Variants in ZNF462 observed in about 807,000 individuals in gnomAD.
ZNF462 encodes the protein zinc finger PBX1-interacting protein.
ZNF462 carries 10 observed loss-of-function variants against 201.9 expected under a neutral mutation model. That is an observed-to-expected ratio of 0.05 (90% CI 0.03 to 0.08). ZNF462 has a LOEUF of 0.08. Among genes scored for constraint, ZNF462 ranks in the 10% least tolerant of loss-of-function variants. ZNF462 has a pLI of 1.00. For missense variants in ZNF462, 2,523 were observed against 3,168.3 expected, an observed-to-expected ratio of 0.80 and a Z score of 4.89; for synonymous variants, 1,227 against 1,193.3, an observed-to-expected ratio of 1.03 and a Z score of -0.58.
At position 106,927,142 on chromosome 9, in the gene ZNF462, C is replaced by T. The variant is rs778226122; in HGVS notation, c.3230C>T (p.Ala1077Val). The T allele has an allele frequency of 1.2e-6, 2 of 1,614,136 alleles. No homozygotes were observed. Among genetic ancestry groups the T allele is most frequent in the African/African-American group, 2.7e-5 (2 of 75,036 alleles). ...MRMVSVDRGSALSQLSFEVGA... is the reference protein window; with the variant it reads ...MRMVSVDRGSVLSQLSFEVGA... ...ATGGTGTCTGTGGACAGGGGCTCTG[C>T]CCTTTCTCAATTATCATTTGAGGTG... Residue 1077 changes from alanine (A) to valine (V), a missense_variant, in exon 3 of 13, where the codon GCC (alanine) becomes GTC (valine). Transcript: ENST00000277225.
upstream of ZNF462, among the ~76,000 whole-genome samples, chr9:106,861,542 G>C (rs1827067001): frequency 6.6e-6 from 1 of 152,214 alleles, no homozygotes; most frequent in Non-Finnish European, 1.5e-5. Context: ...TTTCTGCCCC[G>C]CGCGCTGCGC....
upstream of ZNF462, among the ~76,000 whole-genome samples, chr9:106,861,653 C>G (rs931165532): frequency 2.6e-5 from 4 of 152,222 alleles, no homozygotes; most frequent in African/African-American, 4.8e-5. Context: ...TCCTGACTTG[C>G]TGCATTGATT....
chr9:106,943,059 C>CGCGCGCGCGCGCGTGTGTGTGT (rs374167214), intron 7 of ZNF462, among the ~76,000 whole-genome samples: 7 of 143,244 alleles, frequency 4.9e-5, no homozygotes, highest in African/African-American at 1.8e-4. Flanking sequence ...TTTGCGCGCG[C>CGCGCGCGCGCGCGTGTGTGTGT]GTGTGTGTGT....
At chr9:106,889,071 T>C (rs1828456499) in intron 1 of ZNF462, among the ~76,000 whole-genome samples, 1 of 152,200 alleles carries the variant, frequency 6.6e-6, no homozygotes, top group South Asian at 2.1e-4. Context: ...TGCCTTGGGG[T>C]CATAGCACAC....
chr9:106,901,534 C>G (rs1357272293), intron 1 of ZNF462, among the ~76,000 whole-genome samples: 1 of 152,140 alleles, frequency 6.6e-6, no homozygotes, highest in Non-Finnish European at 1.5e-5. Context: ...AATATTGATT[C>G]TACCCATCCA....
rs553796813 is a variant in ZNF462 at position 106,936,778 on chromosome 9, G to A, written c.6235+1157G>A. On this transcript the variant is annotated intron_variant, in intron 6 of 12. Transcript: ENST00000277225. The stretch of plus-strand genomic sequence containing the variant: ...AAAAGCACTTTTACCAGCGAGAGCT[G>A]GGAAGAGATGATTCGGCCTGTGGGA... 4.5e-4 allele frequency among the ~76,000 whole-genome samples: 68 copies of A among 152,320 alleles called. 1 individual carries two copies. Among genetic ancestry groups the A allele is most frequent in the African/African-American group, 1.6e-3 (65 of 41,574 alleles).
Position 106,927,359 on chromosome 9 carries a change from G to A in ZNF462, c.3447G>A (p.Gln1149=). The A allele has an allele frequency of 6.2e-7, 1 of 1,614,058 alleles. No homozygotes were observed. ...EIKVTAKYIR[Q]APPTAAMMRG... is the part of the protein sequence containing the mutation. ...AGGTTACTGCCAAATATATCAGACA[G>A]GCTCCTCCCACAGCTGCAATGATGA... Residue 1149 remains glutamine (Q), a synonymous_variant, in exon 3 of 13, where the codon CAG becomes CAA. Transcript: ENST00000277225.
Position 106,974,322 on chromosome 9 carries a change from A to G in ZNF462, c.6832+49A>G, listed in dbSNP as rs373261691. ...TTGGATGCAGCGGGGGGCAGGCAGCAGAGATGGCCTTCTAGGGATGCTCTC... is the reference window on the plus strand; with the variant it reads ...TTGGATGCAGCGGGGGGCAGGCAGCGGAGATGGCCTTCTAGGGATGCTCTC... On this transcript the variant is annotated intron_variant, in intron 9 of 12. Transcript: ENST00000277225. This position sits in a 1 kb window ranked among gnomAD's most constrained non-coding sequence, Gnocchi z 4.0. 6.2e-7 allele frequency: 1 copy of G among 1,613,610 alleles called. No individual in the cohort carries two copies. The highest frequency in any genetic ancestry group is 1.3e-5 in the African/African-American group (1 of 74,934).
intron 1 of ZNF462, among the ~76,000 whole-genome samples, chr9:106,868,229 A>G (rs1827432530): frequency 6.6e-6 from 1 of 152,198 alleles, no homozygotes; most frequent in Non-Finnish European, 1.5e-5. Flanking sequence ...ATGCTAGAAG[A>G]AAATTCCTCT....
In ZNF462 at chr9:107,009,880, A is replaced by T. The variant is rs1247509881; in HGVS notation, c.7313+212A>T. Among the ~76,000 whole-genome samples, 2 of 152,162 alleles carry T rather than the reference A, an allele frequency of 1.3e-5. No homozygotes were observed. The highest frequency in any genetic ancestry group is 4.8e-5 in the African/African-American group (2 of 41,446). On this transcript the variant is annotated intron_variant, in intron 12 of 12. Coordinates refer to ENST00000277225, the MANE Select transcript of ZNF462 (RefSeq NM_021224.6). The surrounding 1 kb of genome is among the most constrained non-coding windows in gnomAD (Gnocchi z 6.1). ...AGCCGCAAGTCAAATAGGGAAAAAA[A>T]TCGTCTTTATGAATGATCAGTCCTG...
rs997472929 is a variant in ZNF462 at position 106,996,501 on chromosome 9, C to T, written c.7057-6793C>T. 3.9e-5 allele frequency among the ~76,000 whole-genome samples: 6 copies of T among 152,248 alleles called. No individual in the cohort carries two copies. The East Asian group carries it at 1.2e-3, about 29-fold the overall frequency. On this transcript the variant is annotated intron_variant, in intron 10 of 12. Transcript: ENST00000277225. ...TTGTTTCCTGACTTTTTAATGATCGCCATTCTAACTGGTGTGAGATGGTAT... is the reference window on the plus strand; with the variant it reads ...TTGTTTCCTGACTTTTTAATGATCGTCATTCTAACTGGTGTGAGATGGTAT...
Position 106,924,168 on chromosome 9 carries a change from T to C in ZNF462, c.256T>C (p.Tyr86His). The C allele has an allele frequency of 6.2e-7, 1 of 1,610,890 alleles. No homozygotes were observed. Among genetic ancestry groups the C allele is most frequent in the East Asian group, 2.2e-5 (1 of 44,872 alleles). The change falls in exon 3 of 13, where the codon TAT (tyrosine) becomes CAT (histidine). Residue 86 changes from tyrosine to histidine, a missense_variant. Tyr to His is a moderately conservative substitution (Grantham distance 83). Around this residue, in one of 15 missense-constraint regions of ZNF462, gnomAD observed 480 missense variants for 544.4 expected, o/e 0.88. Transcript: ENST00000277225. This position sits in a 1 kb window ranked among gnomAD's most constrained non-coding sequence, Gnocchi z 6.2. ...AACTTCATTGGGGACCGGAGGTTAC[T>C]ATGGCCACAGTCCAGGATATTATGG... ...NATSLGTGGY[Y>H]GHSPGYYGQH...
In ZNF462 at chr9:106,981,982, A is replaced by G. The variant is rs770664936; in HGVS notation, c.6833-2204A>G. Among the ~76,000 whole-genome samples the G allele has an allele frequency of 6.6e-6, 1 of 152,242 alleles. No homozygotes were observed. The highest frequency in any genetic ancestry group is 1.5e-5 in the Non-Finnish European group (1 of 68,038). ...ATATAAATGAGGAACTAAAATGTAG[A>G]GAGAGCAAGGGGGATGCAGTCCCAA... is the stretch of plus-strand genomic sequence containing the variant. On this transcript the variant is annotated intron_variant, in intron 9 of 12. Coordinates refer to ENST00000277225, the MANE Select transcript of ZNF462 (RefSeq NM_021224.6). The surrounding 1 kb of genome is among the most constrained non-coding windows in gnomAD (Gnocchi z 4.0).
In ZNF462 at chr9:106,974,042, A is replaced by G. The variant is rs1375678184; in HGVS notation, c.6696-95A>G. ...TTAGCCCCACAAGCAGGAGAGCCGC[A>G]CTTGGACATATATAACGGGTTTGCC... is the stretch of plus-strand genomic sequence containing the variant. On this transcript the variant is annotated intron_variant, in intron 8 of 12. Transcript: ENST00000277225. This position sits in a 1 kb window ranked among gnomAD's most constrained non-coding sequence, Gnocchi z 4.0. 17 of 1,518,868 alleles carry G rather than the reference A, an allele frequency of 1.1e-5. No homozygotes were observed. The highest frequency in any genetic ancestry group is 3.8e-4 in the Middle Eastern group (2 of 5,276). 94.1% of individuals were successfully genotyped at this position (1,518,868 alleles called of 1,614,324 possible).
chr9:107,003,252 T>C lies in ZNF462; in HGVS notation c.7057-42T>C. ...CTCCATCAGGGAGAACCCCATTTGG[T>C]CTGCGGTTTATTATTCCATCATTTG... On this transcript the variant is annotated intron_variant, in intron 10 of 12. Coordinates refer to ENST00000277225, the MANE Select transcript of ZNF462 (RefSeq NM_021224.6). This position sits in a 1 kb window ranked among gnomAD's most constrained non-coding sequence, Gnocchi z 4.4. The C allele has an allele frequency of 1.9e-6, 3 of 1,609,966 alleles. No individual in the cohort carries two copies. Among genetic ancestry groups the C allele is most frequent in the Non-Finnish European group, 2.5e-6 (3 of 1,177,888 alleles).
intron 7 of ZNF462, among the ~76,000 whole-genome samples, chr9:106,951,948 G>C (rs967221907): frequency 1.3e-5 from 2 of 151,680 alleles, no homozygotes; most frequent in Admixed American, 1.3e-4. Flanking sequence ...TTTTGATTGA[G>C]CACATACCAG....
Position 106,925,902 on chromosome 9 carries a change from G to C in ZNF462, c.1990G>C (p.Gly664Arg). 1 of 1,614,096 alleles carries C rather than the reference G, an allele frequency of 6.2e-7. No individual in the cohort carries two copies. The highest frequency in any genetic ancestry group is 8.5e-7 in the Non-Finnish European group (1 of 1,180,030). The change falls in exon 3 of 13, where the codon GGG becomes CGG. Residue 664 changes from glycine (G) to arginine (R), a missense_variant. Around this residue, in one of 15 missense-constraint regions of ZNF462, gnomAD observed 383 missense variants for 453.4 expected, o/e 0.84. Transcript: ENST00000277225. The surrounding 1 kb of genome is among the most constrained non-coding windows in gnomAD (Gnocchi z 7.9). ...GAAGAAAAGTCAGACCTCAATTCTTGGGTTGTCCTCCAAGAACAATTTTGT... is the reference window on the plus strand; with the variant it reads ...GAAGAAAAGTCAGACCTCAATTCTTCGGTTGTCCTCCAAGAACAATTTTGT... ...TVKKSQTSIL[G>R]LSSKNNFVAK...
chr9:106,978,987 TC>T lies in ZNF462; in HGVS notation c.6832+4717del. Reference sequence around the variant, plus strand: ...TGTGAAGGCAACAGTAGTGCAGATCTCCCTGTGGACTAGACACCCCAATTTG... The same window carrying T: ...TGTGAAGGCAACAGTAGTGCAGATCTCCTGTGGACTAGACACCCCAATTTG... On this transcript the variant is annotated intron_variant, in intron 9 of 12. Coordinates refer to ENST00000277225, the MANE Select transcript of ZNF462 (RefSeq NM_021224.6). This position sits in a 1 kb window ranked among gnomAD's most constrained non-coding sequence, Gnocchi z 4.1. 1 of 244,516 alleles carries T rather than the reference TC, an allele frequency of 4.1e-6. No individual in the cohort carries two copies. The highest frequency in any genetic ancestry group is 7.8e-6 in the Non-Finnish European group (1 of 128,452). The allele number at this position is 244,516 out of a possible 1,614,324, so 15.1% of individuals were successfully genotyped here.
At position 107,011,283 on chromosome 9, in the gene ZNF462, T is replaced by G. The variant is rs373821139; in HGVS notation, c.*253T>G. 4.7e-5 allele frequency: 21 copies of G among 447,066 alleles called. 1 individual carries two copies. Among genetic ancestry groups the G allele is most frequent in the Middle Eastern group, 6.3e-4 (1 of 1,576 alleles). 27.7% of individuals were successfully genotyped at this position (447,066 alleles called of 1,614,324 possible). On this transcript the variant is annotated 3_prime_UTR_variant, in exon 13 of 13. Transcript: ENST00000277225. The surrounding 1 kb of genome is among the most constrained non-coding windows in gnomAD (Gnocchi z 5.6). ...CTTCCGGATCTTCATCATGGAAGTTTCATTTGTTGCGGAATATGGAAGCAC... is the reference window on the plus strand; with the variant it reads ...CTTCCGGATCTTCATCATGGAAGTTGCATTTGTTGCGGAATATGGAAGCAC...
Sources: allele counts gnomAD v4.1 joint callset (sites outside exome capture counted in the v4.1 genomes callset), GRCh38; gene constraint gnomAD v4.1.1; regional missense constraint gnomAD v4.1.1; non-coding constraint Gnocchi (gnomAD v3.1); transcripts MANE v1.5; gene names NCBI Gene and HGNC (gene_info 2026-07-23, HGNC 2026-07-21).